EPB41L4A: variants seen among roughly 807,000 people sequenced by gnomAD.
The protein encoded by EPB41L4A is band 4.1-like protein 4A.
In EPB41L4A, 100 loss-of-function variants were observed where a neutral mutation model predicts 108.6. That is an observed-to-expected ratio of 0.92 (90% CI 0.78 to 1.09). The LOEUF is 1.09. EPB41L4A is among the 50% of genes least tolerant of loss of function. The pLI is 0.00. For synonymous variants in EPB41L4A, 319 were observed against 289.0 expected (o/e 1.10, Z -1.05); for missense variants, 1,030 against 842.7 (o/e 1.22, Z -2.75).
Position 112,307,430 on chromosome 5 carries a change from T to A in EPB41L4A, c.160A>T (p.Ile54Leu). 1.2e-6 allele frequency: 2 copies of A among 1,613,274 alleles called. 1 individual carries two copies. The highest frequency in any genetic ancestry group is 2.2e-5 in the South Asian group (2 of 91,018). The change falls in exon 2 of 23, where the codon ATA (isoleucine) becomes TTA (leucine). Residue 54 changes from isoleucine (I) to leucine (L), a missense_variant. By Grantham distance (5) the Ile-to-Leu change is conservative. Coordinates refer to ENST00000261486, the MANE Select transcript of EPB41L4A (RefSeq NM_022140.5). The stretch of plus-strand genomic sequence containing the variant: ...CAGTAACGTAGCCCAAAATAATCTA[T>A]CTCCACAAGGTTTACGTGATGGAAT... Reference protein sequence around the residue: ...HVFHHVNLVEIDYFGLRYCDR... With the variant: ...HVFHHVNLVELDYFGLRYCDR...
chr5:112,279,562 A>G (rs1238272128), intron 3 of EPB41L4A, among the ~76,000 whole-genome samples: 1 of 152,194 alleles, frequency 6.6e-6, no homozygotes, highest in Non-Finnish European at 1.5e-5. Context: ...ATTGCACACA[A>G]AAATGGTTAA....
intron 1 of EPB41L4A, among the ~76,000 whole-genome samples, chr5:112,346,611 G>A (rs1236882476): frequency 6.6e-6 from 1 of 152,156 alleles, no homozygotes; most frequent in East Asian, 1.9e-4. Context: ...GTCAAACTTT[G>A]AGTATAGATC....
At chr5:112,183,002 T>A (rs940355005) in intron 18 of EPB41L4A, among the ~76,000 whole-genome samples, 1 of 152,220 alleles carries the variant, frequency 6.6e-6, no homozygotes, top group African/African-American at 2.4e-5. Flanking sequence ...GCATTACTGA[T>A]AAAATACACA....
intron 12 of EPB41L4A, among the ~76,000 whole-genome samples, chr5:112,219,931 A>G (rs944702291): frequency 3.3e-5 from 5 of 152,104 alleles, no homozygotes; most frequent in African/African-American, 1.2e-4. Flanking sequence ...CCTGACCTCA[A>G]GTGATCCACC....
intron 1 of EPB41L4A, among the ~76,000 whole-genome samples, chr5:112,321,577 C>A (rs772967015): frequency 6.6e-6 from 1 of 152,166 alleles, no homozygotes; most frequent in South Asian, 2.1e-4. Context: ...AGTTGCTGAG[C>A]TATTTTAATA....
chr5:112,336,691 G>A (rs1041695112), intron 1 of EPB41L4A, among the ~76,000 whole-genome samples: 1 of 152,184 alleles, frequency 6.6e-6, no homozygotes, highest in African/African-American at 2.4e-5. Flanking sequence ...AGGAGATGAT[G>A]ACAACATCCA....
At chr5:112,407,317 T>A (rs1190011548) in intron 1 of EPB41L4A, among the ~76,000 whole-genome samples, 1 of 152,186 alleles carries the variant, frequency 6.6e-6, no homozygotes, top group Admixed American at 6.5e-5. Context: ...CCACTAAGAT[T>A]TCCTACAATT....
upstream of EPB41L4A, chr5:112,419,345 G>A (rs542780272): frequency 1.8e-4 from 58 of 329,550 alleles, no homozygotes; most frequent in East Asian, 4.8e-3. Flanking sequence ...GCGGGGGCGC[G>A]GGGCCCCTCC....
At chr5:112,282,582 T>G (rs57189754) in intron 2 of EPB41L4A, among the ~76,000 whole-genome samples, 4 of 152,128 alleles carry the variant, frequency 2.6e-5, no homozygotes, top group African/African-American at 7.2e-5. Flanking sequence ...GGAGAGCTGG[T>G]TGGTTAGGGG....
intron 1 of EPB41L4A, among the ~76,000 whole-genome samples, chr5:112,417,175 A>T (rs1418035614): frequency 3.3e-5 from 5 of 152,260 alleles, no homozygotes; most frequent in Non-Finnish European, 5.9e-5. Context: ...AAAACAAGAT[A>T]AGCACCACTG....
intron 12 of EPB41L4A, among the ~76,000 whole-genome samples, chr5:112,225,100 C>T (rs184115799): frequency 2.6e-5 from 4 of 152,286 alleles, no homozygotes; most frequent in African/African-American, 9.6e-5. Flanking sequence ...CCAAACATTC[C>T]TCCTTGCTAA....
chr5:112,372,921 A>G (rs559972500), intron 1 of EPB41L4A, among the ~76,000 whole-genome samples: 142 of 152,320 alleles, frequency 9.3e-4, no homozygotes, highest in African/African-American at 3.4e-3. Context: ...TTTTGAAAGT[A>G]AAAGTGACAG....
At chr5:112,342,440 G>A (rs1757377433) in intron 1 of EPB41L4A, among the ~76,000 whole-genome samples, 1 of 152,236 alleles carries the variant, frequency 6.6e-6, no homozygotes, top group African/African-American at 2.4e-5. Context: ...GTAACAGGCA[G>A]TCCTGACAAG....
At chr5:112,268,909 C>T (rs915835528) in intron 4 of EPB41L4A, among the ~76,000 whole-genome samples, 5 of 125,902 alleles carry the variant, frequency 4.0e-5, no homozygotes, top group Admixed American at 1.6e-4. Flanking sequence ...TTGCCAAATA[C>T]AGAAATGACA....
chr5:112,380,937 G>A (rs1295386284), intron 1 of EPB41L4A, among the ~76,000 whole-genome samples: 1 of 152,016 alleles, frequency 6.6e-6, no homozygotes, highest in African/African-American at 2.4e-5. Flanking sequence ...TCTGGTTGCA[G>A]GCCAGTATAT....
intron 1 of EPB41L4A, among the ~76,000 whole-genome samples, chr5:112,366,290 A>G (rs960951394): frequency 7.0e-6 from 1 of 143,576 alleles, no homozygotes; most frequent in East Asian, 2.1e-4. Context: ...GTCTCTAATC[A>G]TTTTTAGAAA....
In EPB41L4A at chr5:112,373,946, T is replaced by G. The variant is rs138578940; in HGVS notation, c.99+44995A>C. 6.6e-5 allele frequency among the ~76,000 whole-genome samples: 10 copies of G among 152,342 alleles called. No individual in the cohort carries two copies. In the East Asian group the frequency reaches 1.9e-3, roughly 29 times the overall value. On this transcript the variant is annotated intron_variant, in intron 1 of 22. Transcript: ENST00000261486. ...ACTTCCAGAAAATCAGATTAATATA[T>G]GAAGAAGAGAAAACATTCATTTTTC... is the stretch of plus-strand genomic sequence containing the variant.
chr5:112,345,755 A>G (rs991783563), intron 1 of EPB41L4A, among the ~76,000 whole-genome samples: 1 of 130,510 alleles, frequency 7.7e-6, no homozygotes, highest in African/African-American at 3.0e-5. Flanking sequence ...TACAGGATGC[A>G]TATATATATA....
intron 1 of EPB41L4A, among the ~76,000 whole-genome samples, chr5:112,401,347 T>C (rs1445160426): frequency 2.0e-5 from 3 of 152,210 alleles, no homozygotes; most frequent in African/African-American, 7.2e-5. Context: ...ATTTAACGTA[T>C]TCACTACCCA....
Sources: allele counts gnomAD v4.1 joint callset (sites outside exome capture counted in the v4.1 genomes callset), GRCh38; gene constraint gnomAD v4.1.1; transcripts MANE v1.5; gene names NCBI Gene and HGNC (gene_info 2026-07-23, HGNC 2026-07-21).